Variants in HPSE2 observed in about 807,000 individuals in gnomAD.
HPSE2 encodes the protein inactive heparanase-2.
HPSE2 carries 38 observed loss-of-function variants against 60.5 expected under a neutral mutation model. The observed-to-expected ratio is 0.63, with a 90% CI of 0.48 to 0.82. The LOEUF is 0.82. Ranked by LOEUF, HPSE2 falls within the 40% of genes least tolerant of loss-of-function variation. The pLI is 0.00. For missense variants in HPSE2, 713 were observed against 740.4 expected (o/e 0.96, Z 0.43); for synonymous variants, 295 against 293.2 (o/e 1.01, Z -0.06).
At chr10:99,239,678 CCTCAGT>C (rs1849913255), upstream of HPSE2, among the ~76,000 whole-genome samples, 2 of 151,682 alleles carry the variant, frequency 1.3e-5, no homozygotes, top group South Asian at 4.2e-4. Context: ...AATCCACCCA[CCTCAGT>C]CTCCCAAAGT....
intron 9 of HPSE2, among the ~76,000 whole-genome samples, chr10:98,546,413 G>T (rs957739622): frequency 1.6e-4 from 23 of 147,304 alleles, no homozygotes; most frequent in African/African-American, 5.6e-4. Flanking sequence ...ATACTACAAG[G>T]CTACAGTAAC....
intron 3 of HPSE2, among the ~76,000 whole-genome samples, chr10:98,805,284 A>T (rs1219239420): frequency 6.6e-6 from 1 of 152,198 alleles, no homozygotes; most frequent in African/African-American, 2.4e-5. Flanking sequence ...CACAAAAAAA[A>T]ATTGTAACCT....
chr10:99,192,450 T>C (rs2133863236), intron 2 of HPSE2, among the ~76,000 whole-genome samples: 1 of 152,334 alleles, frequency 6.6e-6, no homozygotes, highest in East Asian at 1.9e-4. Flanking sequence ...GCATGACTTT[T>C]TTTTTAGACA....
At chr10:98,870,023 C>T (rs758081326) in intron 3 of HPSE2, among the ~76,000 whole-genome samples, 9 of 152,162 alleles carry the variant, frequency 5.9e-5, no homozygotes, top group South Asian at 2.1e-4. Flanking sequence ...TTTAACTCTT[C>T]GGATTTAGAA....
intron 2 of HPSE2, among the ~76,000 whole-genome samples, chr10:99,155,765 G>A (rs1268797418): frequency 2.0e-5 from 3 of 148,652 alleles, no homozygotes; most frequent in African/African-American, 7.4e-5. Context: ...GAGCAGAACT[G>A]AAGGAAATAG....
Position 99,222,283 on chromosome 10 carries a change from C to G in HPSE2, c.448+10065G>C, listed in dbSNP as rs552542579. The stretch of plus-strand genomic sequence containing the variant: ...CCATTTACTAGTACAGTTACTTAAC[C>G]CCTGAGACATTTTGCAGACTGTATA... On this transcript the variant is annotated intron_variant, in intron 2 of 11. Transcript: ENST00000370552. Among the ~76,000 whole-genome samples, 11 of 152,174 alleles carry G rather than the reference C, an allele frequency of 7.2e-5. No homozygotes were observed. In the South Asian group the frequency reaches 2.3e-3, roughly 32 times the overall value.
chr10:98,782,844 T>G (rs536435321), intron 3 of HPSE2, among the ~76,000 whole-genome samples: 1 of 132,894 alleles, frequency 7.5e-6, no homozygotes, highest in South Asian at 2.8e-4. Context: ...TGGGCCCAAA[T>G]GAGACTTAAG....
At chr10:99,038,221 A>T (rs1957653926) in intron 3 of HPSE2, among the ~76,000 whole-genome samples, 2 of 152,168 alleles carry the variant, frequency 1.3e-5, no homozygotes, top group South Asian at 4.1e-4. Context: ...CAACATGCAC[A>T]CAATTGCTCA....
At chr10:99,312,232 T>C in the HPSE2 span, among the ~76,000 whole-genome samples, 1 of 152,236 alleles carries the variant, frequency 6.6e-6, no homozygotes, top group Admixed American at 6.5e-5. Flanking sequence ...GCTACACTAA[T>C]CGACAGATTT....
intron 9 of HPSE2, among the ~76,000 whole-genome samples, chr10:98,592,228 A>C (rs1443991500): frequency 6.6e-6 from 1 of 152,222 alleles, no homozygotes; most frequent in Non-Finnish European, 1.5e-5. Flanking sequence ...GATATAACCA[A>C]AGTGAAGACC....
chr10:98,852,113 A>ATATGTGTGTG (rs779720749), intron 3 of HPSE2, among the ~76,000 whole-genome samples: 235 of 91,896 alleles, frequency 2.6e-3, no homozygotes, highest in African/African-American at 6.8e-3. Flanking sequence ...GTATATTATG[A>ATATGTGTGTG]TGTGTGTGTG....
At chr10:99,111,121 T>C (rs1844439978) in intron 3 of HPSE2, among the ~76,000 whole-genome samples, 1 of 152,198 alleles carries the variant, frequency 6.6e-6, no homozygotes, top group Non-Finnish European at 1.5e-5. Flanking sequence ...ATCAGTTTAC[T>C]ATATATATGG....
At chr10:99,291,599 A>T in the HPSE2 span, among the ~76,000 whole-genome samples, 1 of 151,584 alleles carries the variant, frequency 6.6e-6, no homozygotes, top group African/African-American at 2.4e-5. Context: ...AAAAAAAAAA[A>T]AAGAATCACC....
intron 3 of HPSE2, among the ~76,000 whole-genome samples, chr10:98,868,376 G>A (rs975064503): frequency 3.9e-5 from 6 of 152,042 alleles, no homozygotes; most frequent in African/African-American, 1.4e-4. Context: ...GGGCAGCGGG[G>A]AGGTGGGGAT....
intron 3 of HPSE2, among the ~76,000 whole-genome samples, chr10:99,113,922 T>A (rs949616229): frequency 6.6e-6 from 1 of 152,182 alleles, no homozygotes; most frequent in Non-Finnish European, 1.5e-5. Flanking sequence ...AGACAAACCA[T>A]TAGCTTTGCA....
At chr10:99,099,148 G>A (rs957397850) in intron 3 of HPSE2, among the ~76,000 whole-genome samples, 2 of 152,116 alleles carry the variant, frequency 1.3e-5, no homozygotes, top group African/African-American at 4.8e-5. Context: ...AGTGGGTGCA[G>A]GACAGTGGGT....
At chr10:99,106,563 T>C (rs1373515084) in intron 3 of HPSE2, among the ~76,000 whole-genome samples, 2 of 151,692 alleles carry the variant, frequency 1.3e-5, no homozygotes, top group Non-Finnish European at 2.9e-5. Flanking sequence ...TTTATAAGTT[T>C]TACATGTTGT....
intron 2 of HPSE2, among the ~76,000 whole-genome samples, chr10:99,214,459 T>G (rs748920775): frequency 2.6e-5 from 4 of 152,172 alleles, no homozygotes; most frequent in South Asian, 2.1e-4. Context: ...AACTAATAAA[T>G]GGTTAAATGA....
At chr10:98,835,328 A>G (rs1248504272) in intron 3 of HPSE2, among the ~76,000 whole-genome samples, 2 of 152,214 alleles carry the variant, frequency 1.3e-5, no homozygotes, top group African/African-American at 4.8e-5. Flanking sequence ...GGATAGAAAA[A>G]TAGCTTATAT....
Sources: allele counts gnomAD v4.1 joint callset (sites outside exome capture counted in the v4.1 genomes callset), GRCh38; gene constraint gnomAD v4.1.1; transcripts MANE v1.5; gene names NCBI Gene and HGNC (gene_info 2026-07-23, HGNC 2026-07-21).